Variants in RNF128 observed in about 807,000 individuals in gnomAD.
RNF128 encodes the protein E3 ubiquitin-protein ligase RNF128.
A neutral mutation model predicts 26.2 loss-of-function variants in RNF128; 13 were observed. The ratio of observed to expected loss-of-function variants is 0.50; its 90% CI spans 0.32 to 0.79. RNF128 has a LOEUF of 0.79. Ranked by LOEUF, RNF128 falls within the 30% of genes least tolerant of loss-of-function variation. The pLI is 0.03. For missense variants in RNF128, 315 were observed against 349.7 expected (o/e 0.90, Z 0.79); for synonymous variants, 149 against 142.5 (o/e 1.05, Z -0.32).
chrX:106,763,446 T>C lies in RNF128; in HGVS notation c.485-9467T>C, dbSNP rs778250585. Among the ~76,000 whole-genome samples, 3 of 112,334 alleles carry C rather than the reference T, an allele frequency of 2.7e-5. No individual in the cohort carries two copies. The South Asian group carries it at 1.1e-3, about 42-fold the overall frequency. On this transcript the variant is annotated intron_variant, in intron 1 of 6. Coordinates refer to ENST00000255499, the MANE Select transcript of RNF128 (RefSeq NM_194463.2). ...GGAGCAGTTTACAGATATTTTCAAG[T>C]GCATGGGAAGTATCAAAATGCTTAG...
In RNF128 at chrX:106,772,958, C is replaced by G. The variant is rs763836387; in HGVS notation, c.530C>G (p.Thr177Arg). 1 of 1,208,127 alleles carries G rather than the reference C, an allele frequency of 8.3e-7. No homozygotes were observed. Among genetic ancestry groups the G allele is most frequent in the African/African-American group, 1.8e-5 (1 of 57,039 alleles). ...VAIMIGNLKGTKILQSIQRGI... is the reference protein window; with the variant it reads ...VAIMIGNLKGRKILQSIQRGI... ...ATCATGATCGGCAATCTGAAAGGCA[C>G]AAAAATTCTGCAATCTATTCAAAGA... The change falls in exon 2 of 7, where the codon ACA (threonine) becomes AGA (arginine). Residue 177 changes from threonine (T) to arginine (R), a missense_variant. Coordinates refer to ENST00000255499, the MANE Select transcript of RNF128 (RefSeq NM_194463.2).
At chrX:106,710,153 A>G (rs1387054749) in intron 1 of RNF128, among the ~76,000 whole-genome samples, 1 of 111,941 alleles carries the variant, frequency 8.9e-6, no homozygotes, top group Admixed American at 9.5e-5. Flanking sequence ...AAAAAAATAG[A>G]TAATCTCAAT....
intron 1 of RNF128, among the ~76,000 whole-genome samples, chrX:106,720,661 G>A (rs1403146523): frequency 9.0e-6 from 1 of 111,175 alleles, no homozygotes; most frequent in Non-Finnish European, 1.9e-5. Context: ...AGGTAGTATA[G>A]CAGAATGAAA....
At chrX:106,709,269 G>A (rs1929088061) in intron 1 of RNF128, among the ~76,000 whole-genome samples, 1 of 111,164 alleles carries the variant, frequency 9.0e-6, no homozygotes, top group Non-Finnish European at 1.9e-5. Flanking sequence ...GCTCATTTGT[G>A]GATATTGTTC....
intron 1 of RNF128, among the ~76,000 whole-genome samples, chrX:106,734,537 G>GT (rs1929555992): frequency 9.0e-6 from 1 of 111,517 alleles, no homozygotes; most frequent in East Asian, 2.8e-4. Flanking sequence ...TATTGTTGGT[G>GT]TTTACCCCAA....
At chrX:106,733,867 ATT>A (rs2147671395) in intron 1 of RNF128, among the ~76,000 whole-genome samples, 1 of 110,204 alleles carries the variant, frequency 9.1e-6, no homozygotes, top group Non-Finnish European at 1.9e-5. Flanking sequence ...CACCCGGCTA[ATT>A]GTTATAGTTT....
chrX:106,738,914 T>C (rs1264585843), intron 1 of RNF128, among the ~76,000 whole-genome samples: 1 of 111,826 alleles, frequency 8.9e-6, no homozygotes, highest in Non-Finnish European at 1.9e-5. Flanking sequence ...GCTTTGGAGA[T>C]TGGCAGTGTA....
intron 2 of RNF128, among the ~76,000 whole-genome samples, chrX:106,783,809 G>C (rs770485344): frequency 9.0e-6 from 1 of 111,242 alleles, no homozygotes; most frequent in African/African-American, 3.3e-5. Context: ...TATCATGGCA[G>C]AAAGGAAAGG....
chrX:106,779,348 C>CGTGTGTGTGT lies in RNF128; in HGVS notation c.733-5684_733-5675dup, dbSNP rs372716238. ...TAATACATCTATCCCTACACAGTTA[C>CGTGTGTGTGT]GTGTGTGTGTGTGTGTGTGTGTGTG... On this transcript the variant is annotated intron_variant, in intron 2 of 6. Transcript: ENST00000255499. 9.0e-3 allele frequency among the ~76,000 whole-genome samples: 810 copies of CGTGTGTGTGT among 90,089 alleles called. 16 individuals carry two copies. Among genetic ancestry groups the CGTGTGTGTGT allele is most frequent in the African/African-American group, 0.031 (753 of 24,146 alleles). The allele number at this position is 90,089 out of a possible 115,157, so 78.2% of individuals were successfully genotyped here. A position where few individuals can be genotyped will look rare whatever the true frequency, so the allele number is the denominator to read the frequency against.
chrX:106,728,781 G>A (rs1290980553), intron 1 of RNF128, among the ~76,000 whole-genome samples: 1 of 111,803 alleles, frequency 8.9e-6, no homozygotes, highest in Admixed American at 9.5e-5. Context: ...TATAGGCAGT[G>A]GAGGCCAAGT....
Position 106,727,342 on chromosome X carries a change from C to G in RNF128, c.429C>G (p.Ala143=), listed in dbSNP as rs750634375. The change falls in exon 1 of 7, where the codon GCC becomes GCG. Residue 143 remains alanine (A), a synonymous_variant. Transcript: ENST00000255499. ...CTTATGAGAGAGGGGCGTCTGGAGC[C>G]GTCATCTTTAACTTCCCCGGGACCC... ...HLAYERGASG[A]VIFNFPGTRN... is the part of the protein sequence containing the mutation. 1.7e-6 allele frequency: 2 copies of G among 1,209,518 alleles called. No homozygotes were observed. The highest frequency in any genetic ancestry group is 4.4e-5 in the Admixed American group (2 of 45,792).
chrX:106,696,929 G>A (rs1000818992), intron 1 of RNF128, among the ~76,000 whole-genome samples: 1 of 111,963 alleles, frequency 8.9e-6, no homozygotes, highest in Non-Finnish European at 1.9e-5. Context: ...ATTTGGGCTT[G>A]CTTATGTGTT....
chrX:106,742,363 A>C (rs1052037372), intron 1 of RNF128, among the ~76,000 whole-genome samples: 2 of 111,807 alleles, frequency 1.8e-5, no homozygotes, highest in East Asian at 5.6e-4. Context: ...ACTCCAATCC[A>C]GTATTTCTCA....
upstream of RNF128, among the ~76,000 whole-genome samples, chrX:106,724,449 C>T (rs896184311): frequency 9.0e-6 from 1 of 111,125 alleles, no homozygotes; most frequent in African/African-American, 3.3e-5. Flanking sequence ...TATTACTCCT[C>T]GTTTTTGGAT....
At chrX:106,761,985 C>T in intron 1 of RNF128, among the ~76,000 whole-genome samples, 1 of 108,962 alleles carries the variant, frequency 9.2e-6, no homozygotes, top group Non-Finnish European at 1.9e-5. Context: ...TTATAATTGA[C>T]ACATAATTGT....
At chrX:106,768,358 G>A (rs1930293246) in intron 1 of RNF128, among the ~76,000 whole-genome samples, 1 of 111,093 alleles carries the variant, frequency 9.0e-6, no homozygotes, top group African/African-American at 3.3e-5. Flanking sequence ...ACTTTTTTTG[G>A]TTGGTAGGCT....
At chrX:106,719,986 CT>C (rs1334475131) in intron 1 of RNF128, among the ~76,000 whole-genome samples, 1 of 110,757 alleles carries the variant, frequency 9.0e-6, no homozygotes, top group Non-Finnish European at 1.9e-5. Context: ...GTTTTTCTTT[CT>C]TTAATAAGAT....
chrX:106,716,501 C>A (rs1224655785), intron 1 of RNF128, among the ~76,000 whole-genome samples: 2 of 111,628 alleles, frequency 1.8e-5, no homozygotes, highest in Admixed American at 1.9e-4. Flanking sequence ...CATTCTATAT[C>A]TTGACTGTGA....
chrX:106,748,102 T>C (rs971745701), intron 1 of RNF128, among the ~76,000 whole-genome samples: 2 of 112,393 alleles, frequency 1.8e-5, no homozygotes, highest in East Asian at 5.6e-4. Context: ...TCAACTGAGC[T>C]ATGTAACCCA....
Sources: allele counts gnomAD v4.1 joint callset (sites outside exome capture counted in the v4.1 genomes callset), GRCh38; gene constraint gnomAD v4.1.1; transcripts MANE v1.5; gene names NCBI Gene and HGNC (gene_info 2026-07-23, HGNC 2026-07-21).